The following RBFOX1 variants were observed in gnomAD, a reference collection of about 807,000 sequenced individuals.
The protein encoded by RBFOX1 is RNA binding protein fox-1 homolog 1.
A neutral mutation model predicts 57.7 loss-of-function variants in RBFOX1; 8 were observed. That is an observed-to-expected ratio of 0.14 (90% CI 0.08 to 0.25). RBFOX1 has a LOEUF of 0.25. RBFOX1 is among the 10% of genes least tolerant of loss of function. The pLI is 1.00. For missense variants in RBFOX1, 611 were observed against 548.5 expected, an observed-to-expected ratio of 1.11 and a Z score of -1.14; for synonymous variants, 326 against 222.4, an observed-to-expected ratio of 1.47 and a Z score of -4.15.
chr16:6,957,116 T>TTTA (rs1555677709), intron 3 of RBFOX1, among the ~76,000 whole-genome samples: 2 of 139,244 alleles, frequency 1.4e-5, no homozygotes, highest in Non-Finnish European at 3.1e-5. Context: ...TTATTTTTAT[T>TTTA]TTTATTTATT....
At chr16:6,243,137 C>T (rs888857120) in intron 1 of RBFOX1, among the ~76,000 whole-genome samples, 5 of 150,324 alleles carry the variant, frequency 3.3e-5, no homozygotes, top group African/African-American at 9.9e-5. Flanking sequence ...GATATTTATA[C>T]GTGTGTCTGT....
chr16:7,131,112 A>G (rs1390267951), intron 4 of RBFOX1, among the ~76,000 whole-genome samples: 2 of 152,156 alleles, frequency 1.3e-5, no homozygotes, highest in Non-Finnish European at 2.9e-5. Flanking sequence ...TGGGAAGCCA[A>G]GGCGGGCAGA....
At chr16:6,543,403 G>A (rs182919540) in intron 2 of RBFOX1, among the ~76,000 whole-genome samples, 9 of 152,044 alleles carry the variant, frequency 5.9e-5, no homozygotes, top group East Asian at 3.9e-4. Flanking sequence ...GAGACTCTGC[G>A]CACCTTTATT....
In RBFOX1 at chr16:5,282,964, G is replaced by A. The variant is rs150790571; in HGVS notation, c.219+42859G>A. 1.4e-3 allele frequency among the ~76,000 whole-genome samples: 213 copies of A among 152,286 alleles called. 1 individual carries two copies. Among genetic ancestry groups the A allele is most frequent in the African/African-American group, 4.6e-3 (192 of 41,560 alleles). The stretch of plus-strand genomic sequence containing the variant: ...AGCCCCACCCATCAAAGGCCCAGAG[G>A]CCTAGGAAGAAAAGATGGTTTTGTG... On this transcript the variant is annotated intron_variant, in intron 1 of 2. Coordinates refer to the RBFOX1 transcript ENST00000585867.
chr16:6,517,362 C>A (rs1261009738), intron 2 of RBFOX1, among the ~76,000 whole-genome samples: 1 of 152,166 alleles, frequency 6.6e-6, no homozygotes, highest in Non-Finnish European at 1.5e-5. Flanking sequence ...GTGTTTGGGG[C>A]AAAACTGGAG....
chr16:7,333,245 C>T (rs924876406), intron 4 of RBFOX1, among the ~76,000 whole-genome samples: 5 of 152,242 alleles, frequency 3.3e-5, no homozygotes, highest in Non-Finnish European at 7.3e-5. Flanking sequence ...ATGGATCACC[C>T]TAATCTAGCT....
At chr16:7,690,573 C>G (rs116584440) in intron 14 of RBFOX1, among the ~76,000 whole-genome samples, 10 of 152,262 alleles carry the variant, frequency 6.6e-5, no homozygotes, top group Admixed American at 4.6e-4. Context: ...AAGCAGCACA[C>G]TAGGGTTTGC....
intron 3 of RBFOX1, among the ~76,000 whole-genome samples, chr16:6,930,007 C>G (rs759927541): frequency 6.6e-6 from 1 of 152,086 alleles, no homozygotes; most frequent in Non-Finnish European, 1.5e-5. Flanking sequence ...AAAAACAGAG[C>G]GAGATCTCTC....
intron 1 of RBFOX1, among the ~76,000 whole-genome samples, chr16:6,080,069 G>A (rs8055257): frequency 0.32 from 48,055 of 151,898 alleles, 9,233 homozygotes; most frequent in Non-Finnish European, 0.44. Context: ...AGAGAGAAGA[G>A]TATGTTTTCT....
intron 1 of RBFOX1, among the ~76,000 whole-genome samples, chr16:6,060,013 T>C (rs1308767223): frequency 1.3e-5 from 2 of 152,098 alleles, no homozygotes; most frequent in African/African-American, 4.8e-5. Flanking sequence ...ACATAAATGA[T>C]TGGATGCTGT....
At chr16:5,338,226 C>T (rs4643319) in intron 1 of RBFOX1, among the ~76,000 whole-genome samples, 13,449 of 152,024 alleles carry the variant, frequency 0.088, 2,015 homozygotes, top group African/African-American at 0.31. Flanking sequence ...TTGGGAGCCA[C>T]GTTTTTATTC....
chr16:5,767,687 C>T (rs1006524451), intron 3 of RBFOX1, among the ~76,000 whole-genome samples: 1 of 152,114 alleles, frequency 6.6e-6, no homozygotes, highest in South Asian at 2.1e-4. Flanking sequence ...TTCCAATGGA[C>T]TCCTGAAAAG....
chr16:6,348,030 A>G (rs1367612746), intron 2 of RBFOX1, among the ~76,000 whole-genome samples: 1 of 152,188 alleles, frequency 6.6e-6, no homozygotes, highest in East Asian at 1.9e-4. Flanking sequence ...GCCCGTTCAT[A>G]CCTCTTGGTC....
At chr16:6,506,109 A>G (rs1442350294) in intron 2 of RBFOX1, among the ~76,000 whole-genome samples, 1 of 152,214 alleles carries the variant, frequency 6.6e-6, no homozygotes, top group African/African-American at 2.4e-5. Context: ...CCCTACTAAG[A>G]AAGTGGCACT....
At chr16:5,511,109 C>T (rs2043570729) in intron 2 of RBFOX1, among the ~76,000 whole-genome samples, 1 of 152,152 alleles carries the variant, frequency 6.6e-6, no homozygotes, top group South Asian at 2.1e-4. Context: ...GCCAGATTGT[C>T]TTCAAAGGAA....
At position 6,092,993 on chromosome 16, in the gene RBFOX1, C is replaced by G. The variant is rs538874294; in HGVS notation, c.-127+73001C>G. 5.9e-5 allele frequency: 9 copies of G among 152,266 alleles called. No homozygotes were observed. The East Asian group carries it at 1.4e-3, about 23-fold the overall frequency. The allele number at this position is 152,266 out of a possible 1,614,324, so 9.4% of individuals were successfully genotyped here. On this transcript the variant is annotated intron_variant, in intron 1 of 15. Coordinates refer to ENST00000550418, the MANE Select transcript of RBFOX1 (RefSeq NM_018723.4). ...TTTATCACCTGGGTGACAGAATAATCTATACACCAAAACCATGTGAGATGC... is the reference window on the plus strand; with the variant it reads ...TTTATCACCTGGGTGACAGAATAATGTATACACCAAAACCATGTGAGATGC...
At chr16:6,675,163 C>T (rs192862200) in intron 3 of RBFOX1, among the ~76,000 whole-genome samples, 15 of 152,252 alleles carry the variant, frequency 9.9e-5, no homozygotes, top group African/African-American at 3.6e-4. Flanking sequence ...CTCGGCCTCC[C>T]AAAGTGCTGG....
chr16:7,018,821 A>G (rs577234953), intron 3 of RBFOX1, among the ~76,000 whole-genome samples: 2 of 152,074 alleles, frequency 1.3e-5, no homozygotes, highest in Non-Finnish European at 1.5e-5. Context: ...ACGTCTACAG[A>G]TTAAAACCCA....
chr16:5,865,450 A>G (rs1187469299), intron 3 of RBFOX1, among the ~76,000 whole-genome samples: 3 of 152,168 alleles, frequency 2.0e-5, no homozygotes, highest in Admixed American at 6.5e-5. Flanking sequence ...GCCTTCAGCC[A>G]CAGCTCATGG....
Sources: gnomAD v4.1 joint callset for allele counts (sites outside exome capture counted in the v4.1 genomes callset) on GRCh38, gnomAD v4.1.1 for gene constraint, MANE v1.5 for transcripts, NCBI Gene and HGNC (gene_info 2026-07-23, HGNC 2026-07-21) for gene names.